Variants in ORC5 observed in about 807,000 individuals in gnomAD.
The protein encoded by ORC5 is protein phosphatase 1, regulatory subunit 117.
In ORC5, 39 loss-of-function variants were observed where a neutral mutation model predicts 58.8. The observed-to-expected ratio is 0.66, with a 90% CI of 0.51 to 0.87. The LOEUF (loss-of-function observed/expected upper bound fraction) is 0.87. Ranked by LOEUF, ORC5 falls within the 40% of genes least tolerant of loss-of-function variation. ORC5 has a pLI of 0.00. For missense variants in ORC5, 493 were observed against 506.3 expected (o/e 0.97, Z 0.25); for synonymous variants, 218 against 177.6 (o/e 1.23, Z -1.81).
chr7:104,199,191 C>A (rs1042515928), intron 3 of ORC5, among the ~76,000 whole-genome samples: 1 of 152,172 alleles, frequency 6.6e-6, no homozygotes, highest in Non-Finnish European at 1.5e-5. Context: ...TGGGCACTGC[C>A]TAGTGGAGCT....
chr7:104,185,439 A>G (rs1321986158), intron 6 of ORC5, among the ~76,000 whole-genome samples: 1 of 152,204 alleles, frequency 6.6e-6, no homozygotes, highest in African/African-American at 2.4e-5. Context: ...ACATATAATG[A>G]AAAACCTCAA....
At chr7:104,193,012 T>C (rs866019204) in intron 5 of ORC5, among the ~76,000 whole-genome samples, 22 of 151,656 alleles carry the variant, frequency 1.5e-4, no homozygotes, top group Non-Finnish European at 1.2e-4. Context: ...TATAATGCAA[T>C]CCCACACAAA....
intron 13 of ORC5, among the ~76,000 whole-genome samples, chr7:104,127,421 A>G (rs1022702092): frequency 6.6e-6 from 1 of 152,200 alleles, no homozygotes; most frequent in Non-Finnish European, 1.5e-5. Flanking sequence ...AGAATATGAT[A>G]CAACAAACAG....
At chr7:104,161,219 T>C in intron 11 of ORC5, 37 bp from the exon 12 acceptor site, 1 of 1,123,972 alleles carries the variant, frequency 8.9e-7, no homozygotes. Flanking sequence ...ATTTTCTTCT[T>C]ATACCAGAGC....
chr7:104,130,192 C>G (rs1294747181), intron 13 of ORC5, among the ~76,000 whole-genome samples: 1 of 151,944 alleles, frequency 6.6e-6, no homozygotes, highest in Non-Finnish European at 1.5e-5. Context: ...ACATTAAGAA[C>G]AATCCAAGAA....
intron 5 of ORC5, among the ~76,000 whole-genome samples, chr7:104,192,240 C>A (rs1303290591): frequency 6.6e-6 from 1 of 152,102 alleles, no homozygotes; most frequent in African/African-American, 2.4e-5. Flanking sequence ...GAAATCTGTA[C>A]AGGGGTTCCC....
chr7:104,166,847 G>A lies in ORC5; in HGVS notation c.915C>T (p.Tyr305=), dbSNP rs777220536. ...ATGCAGCAATTAGAATGAACTTAGA[G>A]TAATATGGAAGTTCCACATGAGTAT... ...SAHTHVELPY[Y]SKFILIAAYL... Residue 305 remains tyrosine (Y), a synonymous_variant, in exon 10 of 14, where the codon TAC becomes TAT. Transcript: ENST00000297431. 2.5e-6 allele frequency: 4 copies of A among 1,611,676 alleles called. No individual in the cohort carries two copies. The highest frequency in any genetic ancestry group is 1.3e-5 in the African/African-American group (1 of 74,874).
chr7:104,202,421 C>G, intron 2 of ORC5: 2 of 379,002 alleles, frequency 5.3e-6, no homozygotes, highest in East Asian at 1.7e-4. Flanking sequence ...TTCTCTCTCA[C>G]TCCTTTACTG....
At chr7:104,183,806 T>G (rs546913236) in intron 8 of ORC5, 137 bp downstream of exon 8, 1 of 613,514 alleles carries the variant, frequency 1.6e-6, no homozygotes, top group Non-Finnish European at 2.8e-6. Context: ...CTACAGCATG[T>G]GCTTTCCCAT....
At chr7:104,145,087 G>A (rs1798735149) in intron 12 of ORC5, among the ~76,000 whole-genome samples, 2 of 152,154 alleles carry the variant, frequency 1.3e-5, no homozygotes, top group South Asian at 4.1e-4. Flanking sequence ...GGTCTTTGGG[G>A]GACAGTAAAT....
chr7:104,160,830 T>C (rs1799009717), intron 12 of ORC5, among the ~76,000 whole-genome samples: 1 of 152,170 alleles, frequency 6.6e-6, no homozygotes. Flanking sequence ...AATTCCTTTA[T>C]TGAAAAAGAG....
At chr7:104,141,541 C>A (rs1270245266) in intron 12 of ORC5, among the ~76,000 whole-genome samples, 1 of 152,138 alleles carries the variant, frequency 6.6e-6, no homozygotes, top group South Asian at 2.1e-4. Context: ...CAAAAATCAT[C>A]ATAATAATCT....
At chr7:104,149,341 T>A (rs1325051021) in intron 12 of ORC5, among the ~76,000 whole-genome samples, 2 of 152,208 alleles carry the variant, frequency 1.3e-5, no homozygotes, top group Non-Finnish European at 2.9e-5. Flanking sequence ...CTACACCCTA[T>A]GAAGATATAT....
At chr7:104,166,530 A>AT (rs975360385) in intron 10 of ORC5, among the ~76,000 whole-genome samples, 2 of 152,178 alleles carry the variant, frequency 1.3e-5, no homozygotes, top group African/African-American at 4.8e-5. Flanking sequence ...AACCCTATGT[A>AT]TTTTTTAAAT....
intron 8 of ORC5, among the ~76,000 whole-genome samples, chr7:104,173,926 G>C (rs1374584818): frequency 7.1e-6 from 1 of 140,044 alleles, no homozygotes; most frequent in African/African-American, 2.6e-5. Context: ...CTCACTGCAA[G>C]CTCCGCCTCC....
intron 8 of ORC5, among the ~76,000 whole-genome samples, chr7:104,173,849 T>C (rs1321286788): frequency 1.4e-5 from 2 of 143,554 alleles, no homozygotes; most frequent in African/African-American, 2.5e-5. Flanking sequence ...TTTTTTCTTT[T>C]TTTTTTTTTT....
chr7:104,179,247 TC>T (rs1438828725), intron 8 of ORC5, among the ~76,000 whole-genome samples: 1 of 150,536 alleles, frequency 6.6e-6, no homozygotes, highest in Non-Finnish European at 1.5e-5. Flanking sequence ...TCACACCCAG[TC>T]AAAAAAAAGG....
intron 8 of ORC5, among the ~76,000 whole-genome samples, chr7:104,176,144 G>A (rs980531755): frequency 7.2e-5 from 11 of 152,292 alleles, no homozygotes; most frequent in African/African-American, 2.6e-4. Flanking sequence ...GTGTGTATAT[G>A]TGTTTGTGTT....
rs142218770 is a variant in ORC5, at chr7:104,166,561, T to C, written c.990+211A>G. ...TAAATCTGAATTATTACCTAAGGTATACCTGATATCCTCTTTTCTATGAAA... is the reference window on the plus strand; with the variant it reads ...TAAATCTGAATTATTACCTAAGGTACACCTGATATCCTCTTTTCTATGAAA... On this transcript the variant is annotated intron_variant, in intron 10 of 13. Transcript: ENST00000297431. Among the ~76,000 whole-genome samples the C allele has an allele frequency of 2.0e-3, 308 of 152,342 alleles. 1 individual carries two copies. Among genetic ancestry groups the C allele is most frequent in the African/African-American group, 6.7e-3 (277 of 41,588 alleles).
Sources: allele counts gnomAD v4.1 joint callset (sites outside exome capture counted in the v4.1 genomes callset), GRCh38; gene constraint gnomAD v4.1.1; transcripts MANE v1.5; gene names NCBI Gene and HGNC (gene_info 2026-07-23, HGNC 2026-07-21).